The following ZDHHC11B variants were observed in gnomAD, a reference collection of about 807,000 sequenced individuals.
ZDHHC11B encodes zDHHC palmitoyltransferase 11B (putative).
In ZDHHC11B, 17 loss-of-function variants were observed where a neutral mutation model predicts 42.3. The ratio of observed to expected loss-of-function variants is 0.40; its 90% CI spans 0.27 to 0.60. The LOEUF is 0.60. Among genes scored for constraint, ZDHHC11B ranks in the 20% least tolerant of loss-of-function variants. The pLI is 0.41. For synonymous variants in ZDHHC11B, 123 were observed against 193.5 expected (o/e 0.64, Z 3.02); for missense variants, 262 against 463.2 (o/e 0.57, Z 3.99).
At chr5:715,310 G>C (rs1440604165) in intron 13 of ZDHHC11B, among the ~76,000 whole-genome samples, 1 of 150,250 alleles carries the variant, frequency 6.7e-6, no homozygotes, top group Non-Finnish European at 1.5e-5. Flanking sequence ...CTTCGGCCAA[G>C]CGTCCAGCTC....
At chr5:780,473 C>T (rs1336661236) in intron 1 of ZDHHC11B, among the ~76,000 whole-genome samples, 4 of 150,824 alleles carry the variant, frequency 2.7e-5, no homozygotes, top group African/African-American at 7.4e-5. Flanking sequence ...TATTGATCCA[C>T]GTTAGCCAGC....
At chr5:733,391 C>T (rs1271596987) in intron 11 of ZDHHC11B, among the ~76,000 whole-genome samples, 1 of 151,808 alleles carries the variant, frequency 6.6e-6, no homozygotes, top group South Asian at 2.1e-4. Flanking sequence ...TGGCTTCTGC[C>T]ATGGCTACCA....
chr5:765,989 G>A (rs1307683788), intron 4 of ZDHHC11B, among the ~76,000 whole-genome samples: 1 of 151,876 alleles, frequency 6.6e-6, no homozygotes, highest in African/African-American at 2.4e-5. Context: ...GTGCCCCAAG[G>A]CACCGAACGC....
chr5:776,497 C>T (rs1398226085), intron 1 of ZDHHC11B, among the ~76,000 whole-genome samples: 1 of 151,954 alleles, frequency 6.6e-6, no homozygotes, highest in African/African-American at 2.4e-5. Flanking sequence ...GGGAAAGTCT[C>T]CACTGCAAGG....
intron 1 of ZDHHC11B, among the ~76,000 whole-genome samples, chr5:772,296 C>T (rs1736127291): frequency 6.7e-6 from 1 of 148,210 alleles, no homozygotes; most frequent in Non-Finnish European, 1.5e-5. Flanking sequence ...CAGCCCCTCT[C>T]AGCACAGCAA....
intron 10 of ZDHHC11B, among the ~76,000 whole-genome samples, chr5:736,923 G>A (rs1465795218): frequency 2.3e-5 from 3 of 130,574 alleles, no homozygotes; most frequent in African/African-American, 5.6e-5. Context: ...AAACAAGAAC[G>A]AATCAAACCC....
At chr5:744,083 G>C (rs529420679) in intron 9 of ZDHHC11B, among the ~76,000 whole-genome samples, 1 of 149,958 alleles carries the variant, frequency 6.7e-6, no homozygotes, top group South Asian at 2.2e-4. Flanking sequence ...TGATTGGCAT[G>C]ATTGCGTGGT....
At chr5:779,817 A>G (rs147461047) in intron 1 of ZDHHC11B, among the ~76,000 whole-genome samples, 15,992 of 147,340 alleles carry the variant, frequency 0.11, 185 homozygotes, top group Non-Finnish European at 0.16. Context: ...CTGTTCGTTG[A>G]AAAAATATCA....
chr5:771,949 A>G (rs1362127639), intron 1 of ZDHHC11B, among the ~76,000 whole-genome samples: 10 of 150,416 alleles, frequency 6.6e-5, no homozygotes, highest in African/African-American at 2.2e-4. Flanking sequence ...TTCAGGGCTC[A>G]CGCAGGACTT....
rs1254811027 is a variant in ZDHHC11B at position 756,921 on chromosome 5, GACTC to G, written c.223-781_223-778del. Among the ~76,000 whole-genome samples, 3 of 151,796 alleles carry G rather than the reference GACTC, an allele frequency of 2.0e-5. No individual in the cohort carries two copies. The East Asian group carries it at 5.8e-4, about 29-fold the overall frequency. On this transcript the variant is annotated intron_variant, in intron 4 of 13. Coordinates refer to ENST00000508859, the MANE Select transcript of ZDHHC11B (RefSeq NM_001351303.2). ...ACTCCAGACTCTCTCAGGGAGCCCAGACTCACTCAGGGACCCTGGGCCTCTGTCT... is the reference window on the plus strand; with the variant it reads ...ACTCCAGACTCTCTCAGGGAGCCCAGACTCAGGGACCCTGGGCCTCTGTCT...
intron 12 of ZDHHC11B, among the ~76,000 whole-genome samples, chr5:725,081 C>G (rs1321592777): frequency 1.3e-5 from 2 of 151,254 alleles, no homozygotes; most frequent in Non-Finnish European, 2.9e-5. Context: ...TAAAGCGGAG[C>G]CTTTGGTGTC....
At chr5:723,501 A>ACGGT (rs527540319) in intron 12 of ZDHHC11B, among the ~76,000 whole-genome samples, 4,191 of 119,804 alleles carry the variant, frequency 0.035, 94 homozygotes, top group Non-Finnish European at 0.057. Flanking sequence ...AATGCAGGTT[A>ACGGT]CGGTGCCAAT....
chr5:721,569 G>A (rs1208935393), intron 12 of ZDHHC11B, among the ~76,000 whole-genome samples: 8 of 151,512 alleles, frequency 5.3e-5, no homozygotes, highest in South Asian at 4.2e-4. Context: ...GAGGATGGGG[G>A]TGGGATGTGA....
At chr5:762,175 A>AGCCACTCACAGTCCCAGCCG (rs1286306869) in intron 4 of ZDHHC11B, among the ~76,000 whole-genome samples, 2 of 60,988 alleles carry the variant, frequency 3.3e-5, no homozygotes, top group Non-Finnish European at 6.7e-5. Flanking sequence ...AGCCCTGGAC[A>AGCCACTCACAGTCCCAGCCG]GCCACTCACA....
chr5:765,889 C>T (rs1221324493), intron 4 of ZDHHC11B, among the ~76,000 whole-genome samples: 6 of 151,912 alleles, frequency 3.9e-5, no homozygotes, highest in Non-Finnish European at 7.4e-5. Flanking sequence ...GACCAAGAAC[C>T]CACCAGTTCC....
In ZDHHC11B at chr5:726,258, CT is replaced by C. The variant is rs200811427; in HGVS notation, c.1058+4175del. Among the ~76,000 whole-genome samples the C allele has an allele frequency of 4.1e-3, 619 of 151,698 alleles. 24 individuals carry two copies. The highest frequency in any genetic ancestry group is 0.027 in the Admixed American group (409 of 15,200). ...GCGTGACATGATTTAAACAAAGTCC[CT>C]GATCGCTAGAAACAGATGTTTGTAA... On this transcript the variant is annotated intron_variant, in intron 12 of 13. Coordinates refer to ENST00000508859, the MANE Select transcript of ZDHHC11B (RefSeq NM_001351303.2).
intron 1 of ZDHHC11B, among the ~76,000 whole-genome samples, chr5:773,185 C>T (rs1310237516): frequency 1.3e-5 from 2 of 151,868 alleles, no homozygotes; most frequent in African/African-American, 2.4e-5. Context: ...CCTGGGCGGG[C>T]GCCTCTACCT....
At chr5:754,296 C>G (rs5028817) in intron 6 of ZDHHC11B, among the ~76,000 whole-genome samples, 3,489 of 63,384 alleles carry the variant, frequency 0.055, 303 homozygotes, top group East Asian at 0.1. Flanking sequence ...TCAGGGGAAA[C>G]ACCTCTCGCC....
chr5:728,647 A>G (rs563855346), intron 12 of ZDHHC11B, among the ~76,000 whole-genome samples: 257 of 151,352 alleles, frequency 1.7e-3, no homozygotes, highest in African/African-American at 6.1e-3. Flanking sequence ...CTATACTATC[A>G]TCTTCAAACT....
Sources: gnomAD v4.1 joint callset for allele counts (sites outside exome capture counted in the v4.1 genomes callset) on GRCh38, gnomAD v4.1.1 for gene constraint, MANE v1.5 for transcripts, NCBI Gene and HGNC (gene_info 2026-07-23, HGNC 2026-07-21) for gene names.